Variants in GMPR observed in about 807,000 individuals in gnomAD.
GMPR encodes the protein guanosine monophosphate reductase.
A neutral mutation model predicts 38.4 loss-of-function variants in GMPR; 31 were observed. That is an observed-to-expected ratio of 0.81 (90% CI 0.61 to 1.09). The LOEUF (loss-of-function observed/expected upper bound fraction) is 1.09, where lower values mean the gene tolerates loss of function less well. GMPR is among the 50% of genes least tolerant of loss of function. GMPR has a pLI of 0.00. For missense variants in GMPR, 468 were observed against 453.7 expected (o/e 1.03, Z -0.29); for synonymous variants, 162 against 173.3 (o/e 0.93, Z 0.51).
At chr6:16,281,701 G>C (rs1759577820) in intron 6 of GMPR, among the ~76,000 whole-genome samples, 1 of 151,554 alleles carries the variant, frequency 6.6e-6, no homozygotes, top group Non-Finnish European at 1.5e-5. Context: ...GTAGAGGCAG[G>C]GTTTCACCAT....
chr6:16,295,308 C>T lies in GMPR; in HGVS notation c.*122C>T. The T allele has an allele frequency of 1.4e-6, 1 of 730,004 alleles. No homozygotes were observed. Among genetic ancestry groups the T allele is most frequent in the East Asian group, 3.3e-5 (1 of 29,988 alleles). The allele number at this position is 730,004 out of a possible 1,614,324, so 45.2% of individuals were successfully genotyped here. ...CCTGAATGGTGGAATGCTGTGTCCT[C>T]TCTTCTGTCTCCTGCTGCCTGGAGG... On this transcript the variant is annotated 3_prime_UTR_variant, in exon 9 of 9. Coordinates refer to ENST00000259727, the MANE Select transcript of GMPR (RefSeq NM_006877.4).
intron 6 of GMPR, among the ~76,000 whole-genome samples, chr6:16,280,249 C>A (rs545757575): frequency 1.3e-5 from 2 of 152,116 alleles, no homozygotes; most frequent in Non-Finnish European, 2.9e-5. Context: ...GCTTTTAGCC[C>A]ATAGATGATG....
intron 2 of GMPR, among the ~76,000 whole-genome samples, chr6:16,248,599 C>T (rs1758804762): frequency 6.6e-6 from 1 of 152,108 alleles, no homozygotes; most frequent in Admixed American, 6.6e-5. Context: ...ATTATGAGCT[C>T]CCAAAATGGA....
intron 3 of GMPR, 119 bp downstream of exon 3, chr6:16,250,486 C>A (rs1758850836): frequency 4.3e-6 from 3 of 699,866 alleles, no homozygotes; most frequent in Non-Finnish European, 7.9e-6. Flanking sequence ...GTTTCTCTAG[C>A]CCTGTGCCAT....
chr6:16,283,806 A>G (rs116157735), intron 6 of GMPR, among the ~76,000 whole-genome samples: 54 of 152,336 alleles, frequency 3.5e-4, no homozygotes, highest in African/African-American at 1.3e-3. Flanking sequence ...CATGTGTAGG[A>G]CTTATTTTAA....
At chr6:16,243,864 A>C (rs1157579620) in intron 1 of GMPR, among the ~76,000 whole-genome samples, 1 of 152,158 alleles carries the variant, frequency 6.6e-6, no homozygotes, top group Non-Finnish European at 1.5e-5. Context: ...GTGTGTTTCC[A>C]AGGGCCACCC....
At chr6:16,287,146 A>G (rs1759700819) in intron 7 of GMPR, among the ~76,000 whole-genome samples, 1 of 152,180 alleles carries the variant, frequency 6.6e-6, no homozygotes, top group Non-Finnish European at 1.5e-5. Flanking sequence ...GTAGGAGGGA[A>G]TGACAAGGTC....
At chr6:16,247,775 C>G (rs1016813215) in intron 2 of GMPR, among the ~76,000 whole-genome samples, 1 of 137,922 alleles carries the variant, frequency 7.3e-6, no homozygotes, top group Non-Finnish European at 1.5e-5. Flanking sequence ...GCCCTAGGCC[C>G]TCAGCCAGAT....
chr6:16,283,343 A>G (rs1467515699), intron 6 of GMPR, among the ~76,000 whole-genome samples: 2 of 152,218 alleles, frequency 1.3e-5, no homozygotes, highest in African/African-American at 2.4e-5. Flanking sequence ...GTGAAGATGC[A>G]TGTATGTCTT....
At chr6:16,281,729 C>G (rs1192566991) in intron 6 of GMPR, among the ~76,000 whole-genome samples, 1 of 151,572 alleles carries the variant, frequency 6.6e-6, no homozygotes, top group East Asian at 1.9e-4. Flanking sequence ...AGGCTGGTCT[C>G]GAACTCCTGA....
chr6:16,259,563 G>A (rs1390385706), intron 4 of GMPR, among the ~76,000 whole-genome samples: 6 of 152,006 alleles, frequency 3.9e-5, no homozygotes, highest in East Asian at 1.9e-4. Context: ...GATTAGGGGC[G>A]GCGTGGTAAC....
chr6:16,273,552 G>A (rs1263704570), intron 4 of GMPR, among the ~76,000 whole-genome samples: 2 of 152,114 alleles, frequency 1.3e-5, no homozygotes, highest in African/African-American at 4.8e-5. Context: ...TTCATGTTCT[G>A]TAAACTGAGC....
intron 3 of GMPR, among the ~76,000 whole-genome samples, chr6:16,251,392 G>A (rs1758872476): frequency 6.6e-6 from 1 of 152,194 alleles, no homozygotes; most frequent in African/African-American, 2.4e-5. Context: ...CCAACATGGA[G>A]AAACCCTGTC....
intron 5 of GMPR, among the ~76,000 whole-genome samples, chr6:16,274,721 G>A (rs1192071919): frequency 1.3e-5 from 2 of 152,206 alleles, no homozygotes; most frequent in Non-Finnish European, 2.9e-5. Flanking sequence ...ATTATGGTTA[G>A]AATATATGGA....
At chr6:16,292,967 A>G (rs1029703923) in intron 8 of GMPR, among the ~76,000 whole-genome samples, 2 of 152,158 alleles carry the variant, frequency 1.3e-5, no homozygotes, top group African/African-American at 4.8e-5. Flanking sequence ...CCTTAATCCA[A>G]AGGCTTCAGC....
In GMPR at chr6:16,293,052, C is replaced by T. The variant is rs75606118; in HGVS notation, c.858-1954C>T. Among the ~76,000 whole-genome samples the T allele has an allele frequency of 4.6e-5, 7 of 152,176 alleles. No individual in the cohort carries two copies. The East Asian group carries it at 1.2e-3, about 25-fold the overall frequency. On this transcript the variant is annotated intron_variant, in intron 8 of 8. Coordinates refer to ENST00000259727, the MANE Select transcript of GMPR (RefSeq NM_006877.4). ...TCTCTCTCTCTCTTAGTTTTCAGCC[C>T]GTGACCATGATCTTGTCATGAGAAT...
chr6:16,277,141 G>T (rs1006470784), intron 5 of GMPR, among the ~76,000 whole-genome samples: 1 of 152,278 alleles, frequency 6.6e-6, no homozygotes, highest in East Asian at 1.9e-4. Context: ...GGGGGAAGGC[G>T]CCTTCGTGGG....
intron 1 of GMPR, among the ~76,000 whole-genome samples, chr6:16,241,167 C>T (rs922503807): frequency 4.6e-5 from 7 of 151,986 alleles, no homozygotes; most frequent in African/African-American, 9.7e-5. Flanking sequence ...GGTAGATGAC[C>T]GACATTGAGC....
In GMPR at chr6:16,270,835, A is replaced by G. The variant is rs529580013; in HGVS notation, c.466-3580A>G. Among the ~76,000 whole-genome samples, 271 of 152,262 alleles carry G rather than the reference A, an allele frequency of 1.8e-3. 3 individuals are homozygous for G. The highest frequency in any genetic ancestry group is 6.1e-3 in the African/African-American group (255 of 41,556). On this transcript the variant is annotated intron_variant, in intron 4 of 8. Coordinates refer to ENST00000259727, the MANE Select transcript of GMPR (RefSeq NM_006877.4). The stretch of plus-strand genomic sequence containing the variant: ...GCCACACAGGTAGCTGATGGGATGG[A>G]GAGACATTTGCACAAGCTTCTGGGT...
Sources: allele counts gnomAD v4.1 joint callset (sites outside exome capture counted in the v4.1 genomes callset), GRCh38; gene constraint gnomAD v4.1.1; transcripts MANE v1.5; gene names NCBI Gene and HGNC (gene_info 2026-07-23, HGNC 2026-07-21).